The following PCDH15 variants were observed in gnomAD, a reference collection of about 807,000 sequenced individuals.
The protein encoded by PCDH15 is protocadherin-15.
Under a neutral mutation model 178.5 loss-of-function variants are expected in PCDH15, and 129 were observed. The ratio of observed to expected loss-of-function variants is 0.72; its 90% CI spans 0.63 to 0.84. PCDH15 has a LOEUF of 0.84. Ranked by LOEUF, PCDH15 falls within the 40% of genes least tolerant of loss-of-function variation. PCDH15 has a pLI of 0.00. For missense variants in PCDH15, 2,230 were observed against 2,099.9 expected (o/e 1.06, Z -1.21); for synonymous variants, 800 against 732.0 (o/e 1.09, Z -1.50).
intron 2 of PCDH15, among the ~76,000 whole-genome samples, chr10:55,417,440 A>G (rs1838510064): frequency 6.6e-6 from 1 of 151,816 alleles, no homozygotes; most frequent in Non-Finnish European, 1.5e-5. Flanking sequence ...TATGTAAAAT[A>G]TAAAGCACAA....
intron 8 of PCDH15, among the ~76,000 whole-genome samples, chr10:54,314,051 T>G (rs1348982268): frequency 2.0e-5 from 3 of 152,034 alleles, no homozygotes; most frequent in Non-Finnish European, 2.9e-5. Context: ...CTGAATCTAT[T>G]AACTCGGAAA....
At chr10:55,558,254 C>A (rs1842128658) in intron 2 of PCDH15, among the ~76,000 whole-genome samples, 1 of 152,094 alleles carries the variant, frequency 6.6e-6, no homozygotes, top group Non-Finnish European at 1.5e-5. Flanking sequence ...TCACTTGGCA[C>A]TATAGTTTGA....
At chr10:54,968,418 C>A (rs764493980) in intron 2 of PCDH15, among the ~76,000 whole-genome samples, 4 of 147,972 alleles carry the variant, frequency 2.7e-5, no homozygotes, top group Non-Finnish European at 5.9e-5. Flanking sequence ...GATATTTTTA[C>A]AGACTATGGT....
chr10:55,164,609 T>C (rs1163879191), intron 2 of PCDH15, among the ~76,000 whole-genome samples: 2 of 152,112 alleles, frequency 1.3e-5, no homozygotes, highest in East Asian at 3.8e-4. Flanking sequence ...TCATAATTCA[T>C]GCTCTTGTTG....
rs554919371 is a variant in PCDH15, at chr10:55,411,499, T to G, written c.-156+216126A>C. 7.9e-4 allele frequency among the ~76,000 whole-genome samples: 120 copies of G among 152,272 alleles called. 1 individual carries two copies. In the Middle Eastern group the frequency reaches 0.014, roughly 17 times the overall value. On this transcript the variant is annotated intron_variant, in intron 2 of 5. Transcript: ENST00000613346. ...ATTAGGGTATACTCTCTCCAAGGCA[T>G]AGTTAACACTTCTGCCCCTAAACTA...
chr10:53,912,707 T>C (rs2083200097), intron 25 of PCDH15, among the ~76,000 whole-genome samples: 1 of 152,062 alleles, frequency 6.6e-6, no homozygotes, highest in Non-Finnish European at 1.5e-5. Context: ...TCAAAGAGAA[T>C]AAAATACCTA....
intron 10 of PCDH15, among the ~76,000 whole-genome samples, chr10:54,202,257 C>G (rs1192733057): frequency 3.3e-5 from 5 of 151,548 alleles, no homozygotes; most frequent in African/African-American, 1.2e-4. Context: ...TGAACTATAG[C>G]TTTTAATACC....
At chr10:55,513,147 A>C (rs1278102907) in intron 2 of PCDH15, 2 of 152,180 alleles carry the variant, frequency 1.3e-5, no homozygotes, top group Non-Finnish European at 2.9e-5. Flanking sequence ...GTAGAAACTT[A>C]AGAGGATCCA....
chr10:54,170,711 G>C lies in PCDH15; in HGVS notation c.1590+12733C>G, dbSNP rs533492922. Among the ~76,000 whole-genome samples, 511 of 151,862 alleles carry C rather than the reference G, an allele frequency of 3.4e-3. 3 individuals carry two copies. The highest frequency in any genetic ancestry group is 0.011 in the African/African-American group (456 of 41,370). On this transcript the variant is annotated intron_variant, in intron 13 of 37. Coordinates refer to ENST00000644397, the MANE Select transcript of PCDH15 (RefSeq NM_001384140.1). ...ATTTCCCCAAATTTCCTTCTTTCCT[G>C]TTCCTCACCCTGATCACGCTTGATT... is the stretch of plus-strand genomic sequence containing the variant.
At chr10:53,981,959 A>T (rs1346875536) in intron 21 of PCDH15, among the ~76,000 whole-genome samples, 1 of 152,048 alleles carries the variant, frequency 6.6e-6, no homozygotes, top group African/African-American at 2.4e-5. Flanking sequence ...CAATGAACTC[A>T]AACAAATTTA....
intron 3 of PCDH15, among the ~76,000 whole-genome samples, chr10:54,495,106 A>C (rs1397212239): frequency 1.3e-5 from 2 of 152,184 alleles, no homozygotes; most frequent in East Asian, 3.9e-4. Context: ...CTGTCCTTGC[A>C]CAGAGTGTGA....
intron 20 of PCDH15, among the ~76,000 whole-genome samples, chr10:54,010,336 C>T (rs930372760): frequency 3.3e-5 from 5 of 152,082 alleles, no homozygotes; most frequent in Admixed American, 1.3e-4. Context: ...CGGCAACCCC[C>T]GACCTGGGCT....
chr10:54,518,964 A>G (rs1244651079), intron 3 of PCDH15, among the ~76,000 whole-genome samples: 1 of 152,232 alleles, frequency 6.6e-6, no homozygotes, highest in African/African-American at 2.4e-5. Flanking sequence ...CAAAAATCAC[A>G]TGATTATCTC....
At chr10:55,482,293 T>C (rs1193316893) in intron 2 of PCDH15, among the ~76,000 whole-genome samples, 1 of 151,878 alleles carries the variant, frequency 6.6e-6, no homozygotes, top group African/African-American at 2.4e-5. Flanking sequence ...TGCCACTCTG[T>C]GTCTTTTAAC....
intron 2 of PCDH15, among the ~76,000 whole-genome samples, chr10:54,617,052 T>A (rs544995910): frequency 6.5e-5 from 9 of 139,314 alleles, no homozygotes; most frequent in East Asian, 2.1e-4. Context: ...TTTTATTTTT[T>A]AATTTTTATT....
upstream of PCDH15, among the ~76,000 whole-genome samples, chr10:54,803,219 TA>T (rs1952719681): frequency 6.6e-6 from 1 of 152,224 alleles, no homozygotes; most frequent in South Asian, 2.1e-4. Flanking sequence ...TTTTTTCTCT[TA>T]AAATATATCG....
chr10:54,158,780 G>A (rs983661379), intron 13 of PCDH15, among the ~76,000 whole-genome samples: 6 of 152,024 alleles, frequency 3.9e-5, no homozygotes, highest in Non-Finnish European at 5.9e-5. Context: ...GTGTAAACAC[G>A]GTATTTTATA....
intron 37 of PCDH15, among the ~76,000 whole-genome samples, chr10:53,807,375 G>GAAAC (rs2132355958): frequency 6.6e-6 from 1 of 152,166 alleles, no homozygotes; most frequent in Non-Finnish European, 1.5e-5. Flanking sequence ...GACATTTCAG[G>GAAAC]AAACACATGT....
At chr10:54,949,510 T>C (rs1456525803) in intron 2 of PCDH15, among the ~76,000 whole-genome samples, 1 of 151,962 alleles carries the variant, frequency 6.6e-6, no homozygotes, top group East Asian at 1.9e-4. Flanking sequence ...TCCCCATCAT[T>C]ATGGTAATTA....
Sources: allele counts gnomAD v4.1 joint callset (sites outside exome capture counted in the v4.1 genomes callset), GRCh38; gene constraint gnomAD v4.1.1; transcripts MANE v1.5; gene names NCBI Gene and HGNC (gene_info 2026-07-23, HGNC 2026-07-21).